ZMIZ1: variants seen among roughly 807,000 people sequenced by gnomAD.
ZMIZ1 encodes the protein zinc finger MIZ-type containing 1.
ZMIZ1 carries 17 observed loss-of-function variants against 113.9 expected under a neutral mutation model. The ratio of observed to expected loss-of-function variants is 0.15; its 90% CI spans 0.10 to 0.22. The LOEUF is 0.22. ZMIZ1 is among the 10% of genes least tolerant of loss of function. The pLI, the probability that ZMIZ1 is intolerant of heterozygous loss-of-function variation, is 1.00. For missense variants in ZMIZ1, 1,059 were observed against 1,477.8 expected (o/e 0.72, Z 4.65); for synonymous variants, 607 against 603.1 (o/e 1.01, Z -0.09).
At chr10:79,280,187 C>T (rs1852632584) in intron 8 of ZMIZ1, among the ~76,000 whole-genome samples, 1 of 152,098 alleles carries the variant, frequency 6.6e-6, no homozygotes, top group South Asian at 2.1e-4. Flanking sequence ...TGGCATTGCC[C>T]AGGCTGGTCT....
chr10:79,281,253 G>T (rs1218152415), intron 8 of ZMIZ1, among the ~76,000 whole-genome samples: 1 of 152,196 alleles, frequency 6.6e-6, no homozygotes, highest in African/African-American at 2.4e-5. Context: ...CCTCAAGCTA[G>T]TTGGGGAAAT....
At chr10:79,266,775 G>C (rs913700448) in intron 7 of ZMIZ1, among the ~76,000 whole-genome samples, 2 of 152,184 alleles carry the variant, frequency 1.3e-5, no homozygotes, top group Non-Finnish European at 2.9e-5. Flanking sequence ...TCCTATTTCT[G>C]GGGCACCCAG....
intron 8 of ZMIZ1, chr10:79,285,681 G>A: frequency 2.3e-6 from 1 of 439,232 alleles, no homozygotes; most frequent in South Asian, 1.6e-5. Flanking sequence ...AAGGTTTCCT[G>A]AGCCCTATTG....
intron 22 of ZMIZ1, among the ~76,000 whole-genome samples, chr10:79,307,127 C>G (rs1184331591): frequency 3.3e-5 from 5 of 152,110 alleles, no homozygotes; most frequent in African/African-American, 1.2e-4. Flanking sequence ...GGCCATGTCC[C>G]CCACTCCCCA....
chr10:79,293,946 G>T, intron 12 of ZMIZ1: 2 of 538,508 alleles, frequency 3.7e-6, no homozygotes, highest in Middle Eastern at 4.9e-4. Flanking sequence ...GCAAGCAGCA[G>T]TTCCTCTTAC....
At chr10:79,102,878 T>A (rs1843413569) in intron 1 of ZMIZ1, among the ~76,000 whole-genome samples, 1 of 152,212 alleles carries the variant, frequency 6.6e-6, no homozygotes, top group Non-Finnish European at 1.5e-5. Flanking sequence ...CCAACACTTA[T>A]TAAATGTTAG....
At position 79,307,490 on chromosome 10, in the gene ZMIZ1, C is replaced by A. The variant is rs993811610; in HGVS notation, c.2754C>A (p.Pro918=). 4 of 1,604,346 alleles carry A rather than the reference C, an allele frequency of 2.5e-6. No homozygotes were observed. The highest frequency in any genetic ancestry group is 3.4e-6 in the Non-Finnish European group (4 of 1,171,752). Residue 918 remains proline (P), a synonymous_variant, in exon 23 of 25, where the codon CCC becomes CCA. Coordinates refer to ENST00000334512, the MANE Select transcript of ZMIZ1 (RefSeq NM_020338.4). ...GTSMNDFMHG[P]PQLSHPPDMP... ...CCATGAATGACTTCATGCACGGGCCCCCCCAGCTCTCCCACCCCCCGGACA... is the reference window on the plus strand; with the variant it reads ...CCATGAATGACTTCATGCACGGGCCACCCCAGCTCTCCCACCCCCCGGACA...
Position 79,172,412 on chromosome 10 carries a change from A to G in ZMIZ1, c.-50+10279A>G, listed in dbSNP as rs117006219. Among the ~76,000 whole-genome samples, 368 of 152,318 alleles carry G rather than the reference A, an allele frequency of 2.4e-3. 3 individuals carry two copies. The highest frequency in any genetic ancestry group is 2.4e-3 in the Non-Finnish European group (164 of 68,030). ...AGAGCAGAGGACAGGCCAGCTACAA[A>G]GCCCTTAGATGGTCATGGTTATGAT... is the stretch of plus-strand genomic sequence containing the variant. On this transcript the variant is annotated intron_variant, in intron 4 of 24. Transcript: ENST00000334512.
intron 1 of ZMIZ1, among the ~76,000 whole-genome samples, chr10:79,095,512 C>T (rs996696490): frequency 1.3e-5 from 2 of 152,208 alleles, no homozygotes; most frequent in South Asian, 2.1e-4. Flanking sequence ...GGCCATGCGG[C>T]CTTTCCGGGT....
chr10:79,154,957 C>T (rs1199615838), intron 3 of ZMIZ1, among the ~76,000 whole-genome samples: 2 of 152,170 alleles, frequency 1.3e-5, no homozygotes, highest in Non-Finnish European at 2.9e-5. Context: ...TTCCTGTGCA[C>T]GTGCATATGG....
At chr10:79,117,146 A>T in intron 1 of ZMIZ1, among the ~76,000 whole-genome samples, 1 of 152,250 alleles carries the variant, frequency 6.6e-6, no homozygotes, top group Non-Finnish European at 1.5e-5. Context: ...CTCACAAGAG[A>T]GGCAAGGCCA....
At chr10:79,290,907 T>C in intron 9 of ZMIZ1, 52 bp from the exon 10 acceptor site, 1 of 1,599,778 alleles carries the variant, frequency 6.3e-7, no homozygotes, top group Non-Finnish European at 8.6e-7. Flanking sequence ...CCTCTTCCTC[T>C]CCACACTGCC....
chr10:79,117,712 G>T (rs1844114262), intron 1 of ZMIZ1, among the ~76,000 whole-genome samples: 1 of 152,206 alleles, frequency 6.6e-6, no homozygotes, highest in Admixed American at 6.5e-5. Flanking sequence ...GGTGGGTCTA[G>T]TGTCTAGTGT....
chr10:79,307,701 AG>A (rs1854822001), intron 23 of ZMIZ1, 130 bp downstream of exon 23: 9 of 1,082,624 alleles, frequency 8.3e-6, no homozygotes, highest in Non-Finnish European at 1.2e-5. Context: ...AGAATGGAAT[AG>A]GAGGGGTCTA....
In ZMIZ1 at chr10:79,302,190, C is replaced by T. The variant is rs375077934; in HGVS notation, c.2103C>T (p.Pro701=). The part of the protein sequence containing the change: ...LQGLLKKRLL[P]AEHCITKIKR... ...GACTCCTCAAGAAGCGCCTCCTGCC[C>T]GCAGAGCACTGTATCACGAAAAGTG... The change falls in exon 18 of 25, where the codon CCC becomes CCT. Residue 701 remains proline (P), a synonymous_variant. Transcript: ENST00000334512. The T allele has an allele frequency of 3.9e-5, 63 of 1,613,636 alleles. No individual in the cohort carries two copies. The highest frequency in any genetic ancestry group is 5.5e-5 in the South Asian group (5 of 91,086).
At position 79,297,642 on chromosome 10, in the gene ZMIZ1, G is replaced by A. The variant is rs140351598; in HGVS notation, c.1443G>A (p.Thr481=). 31 of 1,613,998 alleles carry A rather than the reference G, an allele frequency of 1.9e-5. No homozygotes were observed. The highest frequency in any genetic ancestry group is 8.0e-5 in the African/African-American group (6 of 74,918). The part of the protein sequence containing the change: ...KPEQFNGQNN[T]FSGSSYSNYS... Reference sequence around the variant, plus strand: ...AACAGTTTAATGGACAAAATAACACGTTCTCGGGAAGCAGCTACAGTAACT... The same window carrying A: ...AACAGTTTAATGGACAAAATAACACATTCTCGGGAAGCAGCTACAGTAACT... Residue 481 remains threonine (T), a synonymous_variant, in exon 14 of 25, where the codon ACG becomes ACA. Coordinates refer to ENST00000334512, the MANE Select transcript of ZMIZ1 (RefSeq NM_020338.4).
At chr10:79,145,111 C>T (rs1197142022) in intron 3 of ZMIZ1, among the ~76,000 whole-genome samples, 1 of 151,974 alleles carries the variant, frequency 6.6e-6, no homozygotes, top group Non-Finnish European at 1.5e-5. Context: ...TTTCCCCCTC[C>T]CCCTCTGTCT....
intron 7 of ZMIZ1, among the ~76,000 whole-genome samples, chr10:79,226,843 G>C (rs1318529334): frequency 6.6e-6 from 1 of 152,178 alleles, no homozygotes; most frequent in Non-Finnish European, 1.5e-5. Flanking sequence ...TAGACATACA[G>C]AGCCAGGACA....
At chr10:79,185,865 G>A (rs1219515119) in intron 4 of ZMIZ1, among the ~76,000 whole-genome samples, 3 of 149,210 alleles carry the variant, frequency 2.0e-5, no homozygotes, top group East Asian at 4.0e-4. Flanking sequence ...TGGAGTGTCT[G>A]TGTCCATTCC....
Sources: allele counts gnomAD v4.1 joint callset (sites outside exome capture counted in the v4.1 genomes callset), GRCh38; gene constraint gnomAD v4.1.1; transcripts MANE v1.5; gene names NCBI Gene and HGNC (gene_info 2026-07-23, HGNC 2026-07-21).